Variants in ZNF423 observed in about 807,000 individuals in gnomAD.
ZNF423 encodes the protein Ebf-associated zinc finger protein.
ZNF423 carries 12 observed loss-of-function variants against 95.8 expected under a neutral mutation model. The observed-to-expected ratio is 0.13, with a 90% confidence interval of 0.08 to 0.20. The LOEUF is 0.20. Among genes scored for constraint, ZNF423 ranks in the 10% least tolerant of loss-of-function variants. The probability of loss-of-function intolerance (pLI) is 1.00; values close to 1 mark genes in which losing one functional copy is unlikely to be tolerated. For missense variants in ZNF423, 1,316 were observed against 1,737.1 expected, an observed-to-expected ratio of 0.76 and a Z score of 4.31; for synonymous variants, 749 against 711.9, an observed-to-expected ratio of 1.05 and a Z score of -0.83.
intron 5 of ZNF423, among the ~76,000 whole-genome samples, chr16:49,580,805 C>T (rs1478210026): frequency 3.9e-5 from 6 of 152,184 alleles, no homozygotes; most frequent in Admixed American, 1.3e-4. Flanking sequence ...TTGCTTCCAA[C>T]GAGCAGGCAG....
chr16:49,532,120 T>C (rs953003456), intron 5 of ZNF423, among the ~76,000 whole-genome samples: 5 of 152,246 alleles, frequency 3.3e-5, no homozygotes, highest in African/African-American at 1.2e-4. Flanking sequence ...TAGTCACTTT[T>C]TGTCCACATT....
chr16:49,604,629 A>C (rs1284754535), intron 5 of ZNF423, among the ~76,000 whole-genome samples: 1 of 152,146 alleles, frequency 6.6e-6, no homozygotes, highest in Non-Finnish European at 1.5e-5. Context: ...AGCTTTTTTG[A>C]GGGATGCACA....
intron 3 of ZNF423, among the ~76,000 whole-genome samples, chr16:49,686,837 C>T (rs897701209): frequency 2.6e-5 from 2 of 76,986 alleles, no homozygotes; most frequent in Non-Finnish European, 6.6e-5. Context: ...CCAGCCTGTA[C>T]CCATGCTTCC....
chr16:49,706,311 G>A (rs1596889127), intron 3 of ZNF423, among the ~76,000 whole-genome samples: 2 of 152,348 alleles, frequency 1.3e-5, no homozygotes, highest in Admixed American at 1.3e-4. Flanking sequence ...AGATGGGCAG[G>A]ACTGTAGTCC....
chr16:49,519,887 C>T (rs1026935354), intron 7 of ZNF423, among the ~76,000 whole-genome samples: 1 of 152,172 alleles, frequency 6.6e-6, no homozygotes, highest in African/African-American at 2.4e-5. Flanking sequence ...TGCCTTCTGT[C>T]ATCCTAGCCC....
At chr16:49,699,839 A>G (rs1325298722) in intron 3 of ZNF423, among the ~76,000 whole-genome samples, 1 of 152,138 alleles carries the variant, frequency 6.6e-6, no homozygotes, top group Non-Finnish European at 1.5e-5. Context: ...TTTTTATCTT[A>G]CGGCTCTTCC....
At chr16:49,858,356 C>A (rs1452780331), upstream of ZNF423, among the ~76,000 whole-genome samples, 1 of 151,870 alleles carries the variant, frequency 6.6e-6, no homozygotes, top group Non-Finnish European at 1.5e-5. The surrounding 1 kb of genome is among the most constrained non-coding windows in gnomAD (Gnocchi z 4.3). Context: ...GCTCGCCAAC[C>A]CCGTGCTGGG....
At chr16:49,841,966 G>A (rs567356311) in intron 1 of ZNF423, among the ~76,000 whole-genome samples, 193 of 152,308 alleles carry the variant, frequency 1.3e-3, no homozygotes, top group Non-Finnish European at 2.3e-3. Context: ...GCCAGGTGCT[G>A]TGGCTCACGC....
intron 3 of ZNF423, among the ~76,000 whole-genome samples, chr16:49,675,360 C>A (rs999679449): frequency 2.0e-5 from 3 of 152,166 alleles, no homozygotes; most frequent in Non-Finnish European, 4.4e-5. Context: ...GTGCTGGAAC[C>A]ATTAACCTGG....
At chr16:49,824,504 GGAGA>G (rs993775612) in intron 1 of ZNF423, among the ~76,000 whole-genome samples, 24 of 152,256 alleles carry the variant, frequency 1.6e-4, no homozygotes, top group Admixed American at 9.2e-4. Flanking sequence ...TCTCAGGCCA[GGAGA>G]GAGAGCTACA....
At chr16:49,543,369 G>A (rs762369040) in intron 5 of ZNF423, among the ~76,000 whole-genome samples, 3 of 151,868 alleles carry the variant, frequency 2.0e-5, no homozygotes, top group Admixed American at 6.6e-5. Flanking sequence ...GCAAATCATC[G>A]GTGCCAGCCC....
chr16:49,814,372 C>T (rs983922841), intron 1 of ZNF423, among the ~76,000 whole-genome samples: 5 of 151,840 alleles, frequency 3.3e-5, no homozygotes, highest in African/African-American at 1.2e-4. Flanking sequence ...GGAGGGCAAG[C>T]AGGACAGGGG....
At chr16:49,731,607 G>T (rs2033169405) in intron 2 of ZNF423, among the ~76,000 whole-genome samples, 1 of 151,828 alleles carries the variant, frequency 6.6e-6, no homozygotes, top group Admixed American at 6.6e-5. Context: ...AAGGCCTGGA[G>T]TTTGAGACCG....
intron 3 of ZNF423, among the ~76,000 whole-genome samples, chr16:49,701,371 C>G (rs1209554758): frequency 6.6e-6 from 1 of 152,132 alleles, no homozygotes; most frequent in Non-Finnish European, 1.5e-5. Flanking sequence ...CGCTGATGGC[C>G]CCAACCAGCG....
chr16:49,642,360 G>T (rs1336165527), intron 3 of ZNF423, among the ~76,000 whole-genome samples: 1 of 152,180 alleles, frequency 6.6e-6, no homozygotes, highest in Non-Finnish European at 1.5e-5. Flanking sequence ...CATTCACCCA[G>T]TAGGCTTTGA....
chr16:49,671,421 A>T (rs940288889), intron 3 of ZNF423, among the ~76,000 whole-genome samples: 37 of 152,190 alleles, frequency 2.4e-4, no homozygotes, highest in Non-Finnish European at 3.2e-4. Context: ...GGTCCCAAGC[A>T]CGCGTCCACC....
In ZNF423 at chr16:49,503,727, G is replaced by A. The variant is rs150364893; in HGVS notation, c.3850-12423C>T. ...AACTGCCCCTCATGACACCATCAGC[G>A]CAACAAGACAGGGACCTTGTCTCAG... On this transcript the variant is annotated intron_variant, in intron 7 of 7. Transcript: ENST00000563137. 5.4e-3 allele frequency among the ~76,000 whole-genome samples: 815 copies of A among 152,296 alleles called. 10 individuals carry two copies. Among genetic ancestry groups the A allele is most frequent in the African/African-American group, 0.018 (748 of 41,552 alleles).
chr16:49,536,686 G>A (rs1334288506), intron 5 of ZNF423, among the ~76,000 whole-genome samples: 1 of 151,628 alleles, frequency 6.6e-6, no homozygotes, highest in Non-Finnish European at 1.5e-5. Context: ...CAAAGTGCTG[G>A]GATTACAGGT....
chr16:49,738,879 G>T (rs1451490681), intron 2 of ZNF423, among the ~76,000 whole-genome samples: 4 of 152,008 alleles, frequency 2.6e-5, no homozygotes, highest in Admixed American at 6.6e-5. Context: ...ATATCCAGGG[G>T]TTACCAGAGA....
Sources: allele counts gnomAD v4.1 joint callset (sites outside exome capture counted in the v4.1 genomes callset), GRCh38; gene constraint gnomAD v4.1.1; non-coding constraint Gnocchi (gnomAD v3.1); transcripts MANE v1.5; gene names NCBI Gene and HGNC (gene_info 2026-07-23, HGNC 2026-07-21).